Variants in BDNF observed in about 807,000 individuals in gnomAD.
BDNF encodes neurotrophic factor BDNF precursor form.
Under a neutral mutation model 19.5 loss-of-function variants are expected in BDNF, and 1 was observed. The observed-to-expected ratio is 0.05, with a 90% CI of 0.02 to 0.24. BDNF has a LOEUF of 0.24. BDNF is among the 10% of genes least tolerant of loss of function. The pLI, the probability that BDNF is intolerant of heterozygous loss-of-function variation, is 1.00. For missense variants in BDNF, 195 were observed against 317.6 expected (o/e 0.61, Z 2.93); for synonymous variants, 100 against 121.6 (o/e 0.82, Z 1.17).
In BDNF at chr11:27,658,665, GT is replaced by G; in HGVS notation, c.-21-81del. On this transcript the variant is annotated intron_variant, in intron 1 of 1. Transcript: ENST00000356660. This position sits in a 1 kb window ranked among gnomAD's most constrained non-coding sequence, Gnocchi z 5.7. ...GGGATGCCATGTGGCCCATCTGATTGTAATTCCAGGCCATTCTGCAGGGTCA... is the reference window on the plus strand; with the variant it reads ...GGGATGCCATGTGGCCCATCTGATTGAATTCCAGGCCATTCTGCAGGGTCA... 1 of 1,612,198 alleles carries G rather than the reference GT, an allele frequency of 6.2e-7. No individual in the cohort carries two copies. The highest frequency in any genetic ancestry group is 1.3e-5 in the African/African-American group (1 of 75,040).
At chr11:27,670,683 G>T (rs1855205488) in intron 1 of BDNF, among the ~76,000 whole-genome samples, 1 of 152,184 alleles carries the variant, frequency 6.6e-6, no homozygotes, top group Admixed American at 6.5e-5. Flanking sequence ...GGCCATCAGA[G>T]AAATGCAAAT....
intron 1 of BDNF, among the ~76,000 whole-genome samples, chr11:27,691,761 AAG>A (rs1464387538): frequency 6.6e-6 from 1 of 152,200 alleles, no homozygotes; most frequent in Non-Finnish European, 1.5e-5. Flanking sequence ...TAAAGAAAAA[AAG>A]TAACTCTATC....
At chr11:27,713,330 G>T (rs993851770) in intron 1 of BDNF, among the ~76,000 whole-genome samples, 40 of 152,168 alleles carry the variant, frequency 2.6e-4, no homozygotes, top group African/African-American at 9.7e-4. Context: ...AGCATGGAAG[G>T]TAGAGAACAG....
Position 27,720,455 on chromosome 11 carries a change from G to A in BDNF, c.3+957C>T, listed in dbSNP as rs1860705353. The A allele has an allele frequency of 3.0e-6, 3 of 985,714 alleles. 1 individual carries two copies. In the South Asian group the frequency reaches 1.4e-4, roughly 46 times the overall value. 61.1% of individuals were successfully genotyped at this position (985,714 alleles called of 1,614,324 possible). A position where few individuals can be genotyped will look rare whatever the true frequency, so the allele number is the denominator to read the frequency against. ...CGGAGCTTGCCAAGAGTCTATTCCA[G>A]CCTACACCGCTAGGAAGCCAACTTC... On this transcript the variant is annotated intron_variant, in intron 1 of 1. Transcript: ENST00000314915.
chr11:27,684,906 G>A (rs768139907), intron 1 of BDNF, among the ~76,000 whole-genome samples: 10 of 152,036 alleles, frequency 6.6e-5, no homozygotes, highest in East Asian at 3.9e-4. Context: ...GGATGATGCC[G>A]GACTCATAAA....
In BDNF at chr11:27,658,805, A is replaced by G; in HGVS notation, c.-21-220T>C. ...AGAGACATGCAGTGTTTCCCCCAAG[A>G]TCTAGCATATAAACCTGAGATTAGA... On this transcript the variant is annotated intron_variant, in intron 1 of 1. Transcript: ENST00000356660. The surrounding 1 kb of genome is among the most constrained non-coding windows in gnomAD (Gnocchi z 5.7). The G allele has an allele frequency of 7.0e-7, 1 of 1,428,660 alleles. No homozygotes were observed. The allele number at this position is 1,428,660 out of a possible 1,614,324, so 88.5% of individuals were successfully genotyped here.
chr11:27,659,560 G>C (rs1853063344), intron 1 of BDNF: 3 of 999,888 alleles, frequency 3.0e-6, no homozygotes, highest in Admixed American at 6.2e-5. Flanking sequence ...TCACTCCTTG[G>C]CTTTTTCTGG....
At position 27,658,736 on chromosome 11, in the gene BDNF, C is replaced by A; in HGVS notation, c.-21-151G>T. 1 of 1,539,326 alleles carries A rather than the reference C, an allele frequency of 6.5e-7. No homozygotes were observed. The highest frequency in any genetic ancestry group is 1.2e-5 in the South Asian group (1 of 80,186). On this transcript the variant is annotated intron_variant, in intron 1 of 1. Coordinates refer to ENST00000356660, the MANE Select transcript of BDNF (RefSeq NM_001709.5). The surrounding 1 kb of genome is among the most constrained non-coding windows in gnomAD (Gnocchi z 5.7). ...TGATAAACTCCAGCTGCACCAGACACAAATCAGTGTCAGTAGTGTGCTGTA... is the reference window on the plus strand; with the variant it reads ...TGATAAACTCCAGCTGCACCAGACAAAAATCAGTGTCAGTAGTGTGCTGTA...
chr11:27,695,242 G>C (rs1448950199), intron 1 of BDNF, among the ~76,000 whole-genome samples: 1 of 152,030 alleles, frequency 6.6e-6, no homozygotes, highest in African/African-American at 2.4e-5. Context: ...TAAATTACTT[G>C]GAACTGCCCG....
chr11:27,664,545 G>A (rs373157676), intron 1 of BDNF, among the ~76,000 whole-genome samples: 80 of 152,230 alleles, frequency 5.3e-4, no homozygotes, highest in African/African-American at 1.8e-3. Context: ...TTGGGAGGCC[G>A]AGGCGGGAGG....
At chr11:27,692,543 A>G (rs1412252452) in intron 1 of BDNF, among the ~76,000 whole-genome samples, 1 of 151,914 alleles carries the variant, frequency 6.6e-6, no homozygotes, top group East Asian at 1.9e-4. Flanking sequence ...GGGTCTTGCT[A>G]TGTTGTCCAG....
intron 1 of BDNF, among the ~76,000 whole-genome samples, chr11:27,689,758 TG>T (rs1477995856): frequency 6.6e-6 from 1 of 152,228 alleles, no homozygotes; most frequent in Non-Finnish European, 1.5e-5. Context: ...TGTGCAGGTT[TG>T]TTACATAGGT....
intron 1 of BDNF, chr11:27,660,356 A>G (rs993382170): frequency 1.2e-5 from 6 of 492,878 alleles, no homozygotes; most frequent in Non-Finnish European, 1.3e-5. Flanking sequence ...AGATTGCACA[A>G]TGTTCTCAGA....
intron 1 of BDNF, among the ~76,000 whole-genome samples, chr11:27,697,158 C>CAGAGAGAGAGAGAGAGAGAG (rs1198756508): frequency 7.9e-5 from 9 of 113,576 alleles, no homozygotes; most frequent in Non-Finnish European, 1.4e-4. Flanking sequence ...CACACACACA[C>CAGAGAGAGAGAGAGAGAGAG]ACACACAGAG....
At chr11:27,667,376 C>T (rs888406472) in intron 1 of BDNF, among the ~76,000 whole-genome samples, 3 of 152,168 alleles carry the variant, frequency 2.0e-5, no homozygotes, top group African/African-American at 7.2e-5. Flanking sequence ...GCAAAATAAC[C>T]AGCTAACATC....
chr11:27,664,152 T>A (rs189292343), intron 1 of BDNF, among the ~76,000 whole-genome samples: 12 of 152,226 alleles, frequency 7.9e-5, no homozygotes, highest in African/African-American at 2.9e-4. Flanking sequence ...ATAAAGATAA[T>A]GGTAATGCTG....
chr11:27,699,696 A>G (rs1859660171), intron 1 of BDNF: 5 of 1,400,818 alleles, frequency 3.6e-6, no homozygotes, highest in Non-Finnish European at 4.6e-6. Context: ...TGCGGGCTGA[A>G]GGCGCAAGCT....
chr11:27,700,734 T>G (rs952511062), upstream of BDNF: 25 of 1,185,780 alleles, frequency 2.1e-5, no homozygotes, highest in Non-Finnish European at 2.7e-5. Context: ...CTGGGGCGCC[T>G]TGGACAGGAC....
At chr11:27,671,554 A>G (rs1855381594) in intron 1 of BDNF, among the ~76,000 whole-genome samples, 1 of 152,186 alleles carries the variant, frequency 6.6e-6, no homozygotes, top group Non-Finnish European at 1.5e-5. Flanking sequence ...CTCAAACTTC[A>G]AATAATTTTT....
Sources: allele counts gnomAD v4.1 joint callset (sites outside exome capture counted in the v4.1 genomes callset), GRCh38; gene constraint gnomAD v4.1.1; non-coding constraint Gnocchi (gnomAD v3.1); transcripts MANE v1.5; gene names NCBI Gene and HGNC (gene_info 2026-07-23, HGNC 2026-07-21).